The following FRMD4A variants were observed in gnomAD, a reference collection of about 807,000 sequenced individuals.
The protein encoded by FRMD4A is FERM domain containing 4A.
FRMD4A carries 29 observed loss-of-function variants against 129.1 expected under a neutral mutation model. The observed-to-expected ratio is 0.22, with a 90% CI of 0.17 to 0.31. The LOEUF (loss-of-function observed/expected upper bound fraction) is 0.31, where lower values mean the gene tolerates loss of function less well. Among genes scored for constraint, FRMD4A ranks in the 10% least tolerant of loss-of-function variants. FRMD4A has a pLI of 1.00. For synonymous variants in FRMD4A, 634 were observed against 571.6 expected (o/e 1.11, Z -1.56); for missense variants, 1,272 against 1,375.8 (o/e 0.92, Z 1.19).
chr10:13,728,573 CTTTTT>C (rs10706168), intron 12 of FRMD4A, among the ~76,000 whole-genome samples: 4 of 78,350 alleles, frequency 5.1e-5, no homozygotes, highest in East Asian at 4.0e-4. Context: ...GATTACCATT[CTTTTT>C]TTTTTTTTTT....
chr10:13,730,859 CA>C (rs10639026), intron 12 of FRMD4A, among the ~76,000 whole-genome samples: 1,793 of 90,836 alleles, frequency 0.02, 29 homozygotes, highest in Middle Eastern at 0.046. Flanking sequence ...ACTAAAAATA[CA>C]AAAAAAAAAA....
At chr10:13,751,875 G>C (rs2130656592) in intron 8 of FRMD4A, among the ~76,000 whole-genome samples, 2 of 152,158 alleles carry the variant, frequency 1.3e-5, no homozygotes, top group South Asian at 4.2e-4. Context: ...AAACAGCCAG[G>C]TGTAGTGGTT....
At chr10:14,035,169 T>C (rs1171784415) in intron 2 of FRMD4A, among the ~76,000 whole-genome samples, 1 of 152,128 alleles carries the variant, frequency 6.6e-6, no homozygotes, top group Non-Finnish European at 1.5e-5. Context: ...TCCCAGCACT[T>C]TGGGAGGCTG....
chr10:14,050,700 C>A (rs1834215719), intron 2 of FRMD4A, among the ~76,000 whole-genome samples: 1 of 152,084 alleles, frequency 6.6e-6, no homozygotes, highest in African/African-American at 2.4e-5. Flanking sequence ...ATTTAACCAA[C>A]CACGCCTATG....
At chr10:14,117,378 A>G (rs1035691963) in intron 2 of FRMD4A, among the ~76,000 whole-genome samples, 1 of 152,220 alleles carries the variant, frequency 6.6e-6, no homozygotes, top group Non-Finnish European at 1.5e-5. Flanking sequence ...TTGTACAAGC[A>G]ACAACCTGTT....
At chr10:14,191,674 C>T (rs766413237) in intron 2 of FRMD4A, among the ~76,000 whole-genome samples, 3 of 152,144 alleles carry the variant, frequency 2.0e-5, no homozygotes, top group Non-Finnish European at 4.4e-5. Context: ...ACTATAGGGC[C>T]GTTGAAATCT....
chr10:14,002,913 C>T (rs531960299), intron 2 of FRMD4A, among the ~76,000 whole-genome samples: 10 of 152,118 alleles, frequency 6.6e-5, no homozygotes, highest in African/African-American at 1.7e-4. Flanking sequence ...TTTGGAGGAA[C>T]AGCAAACATG....
intron 2 of FRMD4A, among the ~76,000 whole-genome samples, chr10:13,954,898 T>C (rs183334406): frequency 6.6e-6 from 1 of 152,330 alleles, no homozygotes; most frequent in African/African-American, 2.4e-5. Context: ...AGATTGTAAG[T>C]GGGCTAGAAA....
intron 3 of FRMD4A, among the ~76,000 whole-genome samples, chr10:13,824,839 G>A (rs919527295): frequency 1.4e-5 from 2 of 146,820 alleles, no homozygotes; most frequent in African/African-American, 5.1e-5. Context: ...AGGTTGTAGT[G>A]AGCCGAGATT....
Position 13,645,627 on chromosome 10 carries a change from G to A in FRMD4A, c.*1411C>T, listed in dbSNP as rs1589163601. 1 of 152,552 alleles carries A rather than the reference G, an allele frequency of 6.6e-6. No individual in the cohort carries two copies. The highest frequency in any genetic ancestry group is 1.9e-4 in the East Asian group (1 of 5,182). 9.4% of individuals were successfully genotyped at this position (152,552 alleles called of 1,614,324 possible). The stretch of plus-strand genomic sequence containing the variant: ...AATGTGGTGCATGACAGTAACTGAT[G>A]ATGTAGACACATGGGCCCTTTGGGA... On this transcript the variant is annotated 3_prime_UTR_variant, in exon 25 of 25. Coordinates refer to ENST00000357447, the MANE Select transcript of FRMD4A (RefSeq NM_018027.5).
chr10:14,170,519 G>C (rs919123151), intron 2 of FRMD4A, among the ~76,000 whole-genome samples: 1 of 152,164 alleles, frequency 6.6e-6, no homozygotes, highest in Non-Finnish European at 1.5e-5. Flanking sequence ...AAATAAGACA[G>C]GGTCAGACAG....
intron 2 of FRMD4A, among the ~76,000 whole-genome samples, chr10:14,215,217 G>A (rs1843039485): frequency 6.6e-6 from 1 of 152,098 alleles, no homozygotes; most frequent in Non-Finnish European, 1.5e-5. Flanking sequence ...TGGCTCCAAA[G>A]TTATTTTAAA....
intron 2 of FRMD4A, among the ~76,000 whole-genome samples, chr10:14,119,430 C>G (rs759450661): frequency 6.6e-6 from 1 of 152,172 alleles, no homozygotes; most frequent in Non-Finnish European, 1.5e-5. Context: ...CCTTGATGTG[C>G]AGATATAACG....
chr10:14,075,282 A>G (rs1564265334), intron 2 of FRMD4A, among the ~76,000 whole-genome samples: 1 of 152,218 alleles, frequency 6.6e-6, no homozygotes, highest in Non-Finnish European at 1.5e-5. Flanking sequence ...TGAGAAGAGG[A>G]AAGGGGAGGA....
chr10:13,911,364 T>C (rs2094938878), intron 2 of FRMD4A, among the ~76,000 whole-genome samples: 1 of 152,132 alleles, frequency 6.6e-6, no homozygotes, highest in Admixed American at 6.5e-5. Flanking sequence ...AAAATTATAG[T>C]GTTGGGGTAA....
In FRMD4A at chr10:13,727,516, G is replaced by A. The variant is rs11819212; in HGVS notation, c.759+10328C>T. 8.1e-3 allele frequency among the ~76,000 whole-genome samples: 1,230 copies of A among 152,220 alleles called. 17 individuals are homozygous for A. The highest frequency in any genetic ancestry group is 0.028 in the African/African-American group (1,168 of 41,528). On this transcript the variant is annotated intron_variant, in intron 12 of 24. Coordinates refer to ENST00000357447, the MANE Select transcript of FRMD4A (RefSeq NM_018027.5). ...GGGGTCATCCTAGCTTCCGAGTTTCGTCTAGGTTGAGGGCGCCATGTTGGG... is the reference window on the plus strand; with the variant it reads ...GGGGTCATCCTAGCTTCCGAGTTTCATCTAGGTTGAGGGCGCCATGTTGGG...
At chr10:13,678,382 C>A (rs1230296871) in intron 15 of FRMD4A, among the ~76,000 whole-genome samples, 2 of 152,256 alleles carry the variant, frequency 1.3e-5, no homozygotes, top group African/African-American at 2.4e-5. Context: ...CTTGGACATG[C>A]AGATTTCCAC....
chr10:13,886,968 G>C (rs1225903156), intron 2 of FRMD4A, among the ~76,000 whole-genome samples: 1 of 152,210 alleles, frequency 6.6e-6, no homozygotes, highest in African/African-American at 2.4e-5. Context: ...GTAAGTCAGA[G>C]TTTGGGGCAA....
chr10:13,757,264 A>T (rs1192676755), intron 8 of FRMD4A, among the ~76,000 whole-genome samples: 5 of 152,232 alleles, frequency 3.3e-5, no homozygotes, highest in Non-Finnish European at 7.3e-5. Context: ...TTGTCGACAG[A>T]CATGAGGTTT....
Sources: allele counts gnomAD v4.1 joint callset (sites outside exome capture counted in the v4.1 genomes callset), GRCh38; gene constraint gnomAD v4.1.1; transcripts MANE v1.5; gene names NCBI Gene and HGNC (gene_info 2026-07-23, HGNC 2026-07-21).